Variants in DGKB observed in about 807,000 individuals in gnomAD.
DGKB encodes 90 kDa diacylglycerol kinase.
In DGKB, 67 loss-of-function variants were observed where a neutral mutation model predicts 114.3. The ratio of observed to expected loss-of-function variants is 0.59; its 90% CI spans 0.48 to 0.72. The LOEUF (loss-of-function observed/expected upper bound fraction) is 0.72. DGKB is among the 30% of genes least tolerant of loss of function. The probability of loss-of-function intolerance (pLI) is 0.00; values close to 1 mark genes in which losing one functional copy is unlikely to be tolerated. For synonymous variants in DGKB, 398 were observed against 323.1 expected (o/e 1.23, Z -2.49); for missense variants, 907 against 975.2 (o/e 0.93, Z 0.93).
chr7:14,926,163 CTG>C (rs1302464125), intron 1 of DGKB, among the ~76,000 whole-genome samples: 6 of 151,896 alleles, frequency 4.0e-5, no homozygotes. Context: ...TTTCTTTAAA[CTG>C]TTTCTGTGAT....
chr7:14,930,145 G>T (rs1562883669), intron 1 of DGKB, among the ~76,000 whole-genome samples: 1 of 152,072 alleles, frequency 6.6e-6, no homozygotes, highest in East Asian at 1.9e-4. Flanking sequence ...ATAATTTGAG[G>T]TCAGGTCATG....
chr7:14,666,264 A>C (rs780049029), intron 13 of DGKB, among the ~76,000 whole-genome samples: 4 of 151,998 alleles, frequency 2.6e-5, no homozygotes, highest in Admixed American at 6.6e-5. Flanking sequence ...TATATGATTA[A>C]TTTTTAAAAC....
At chr7:14,567,124 T>A (rs28681438) in intron 20 of DGKB, among the ~76,000 whole-genome samples, 1 of 110,832 alleles carries the variant, frequency 9.0e-6, no homozygotes, top group Admixed American at 1.5e-4. Flanking sequence ...ATTATATAAA[T>A]ATATAATTAT....
intron 13 of DGKB, among the ~76,000 whole-genome samples, chr7:14,647,276 T>C (rs1047867806): frequency 2.6e-5 from 4 of 151,856 alleles, no homozygotes; most frequent in African/African-American, 9.7e-5. Flanking sequence ...ATAGAAAATC[T>C]GAACAGACCA....
intron 10 of DGKB, among the ~76,000 whole-genome samples, chr7:14,684,764 T>C (rs1333666956): frequency 6.6e-6 from 1 of 152,142 alleles, no homozygotes; most frequent in African/African-American, 2.4e-5. Flanking sequence ...AGGTGTAAAA[T>C]TAGTTCGTAT....
chr7:14,455,757 A>C (rs1351755718), intron 21 of DGKB, among the ~76,000 whole-genome samples: 1 of 152,038 alleles, frequency 6.6e-6, no homozygotes, highest in Admixed American at 6.6e-5. Flanking sequence ...AATAGATATA[A>C]GAAAGTTTTT....
intron 14 of DGKB, 61 bp from the exon 15 acceptor site, chr7:14,621,555 A>G (rs1172576165): frequency 1.9e-6 from 2 of 1,053,228 alleles, no homozygotes; most frequent in African/African-American, 3.2e-5. Flanking sequence ...TAAAATGTTA[A>G]GTTGTTTTTA....
At chr7:14,876,487 C>G (rs755102760) in intron 1 of DGKB, among the ~76,000 whole-genome samples, 42 of 152,312 alleles carry the variant, frequency 2.8e-4, no homozygotes, top group Non-Finnish European at 1.6e-4. Context: ...CGGGCTAAGC[C>G]TCACTTTGGA....
At chr7:14,882,877 T>G (rs1265775938) in intron 1 of DGKB, among the ~76,000 whole-genome samples, 1 of 152,010 alleles carries the variant, frequency 6.6e-6, no homozygotes, top group African/African-American at 2.4e-5. Context: ...TTATCTCATC[T>G]GCTGATGGAC....
intron 20 of DGKB, among the ~76,000 whole-genome samples, chr7:14,557,136 C>A (rs1412449580): frequency 1.3e-5 from 2 of 152,148 alleles, no homozygotes; most frequent in Non-Finnish European, 2.9e-5. Context: ...CAGTAATCTG[C>A]ATTTTAACAA....
chr7:14,484,537 G>A (rs1239943770), intron 20 of DGKB, among the ~76,000 whole-genome samples: 1 of 152,180 alleles, frequency 6.6e-6, no homozygotes, highest in African/African-American at 2.4e-5. Flanking sequence ...TGCCATGTGA[G>A]GCACCTGTTG....
chr7:14,577,546 G>A (rs999817528), intron 19 of DGKB, among the ~76,000 whole-genome samples: 1 of 152,160 alleles, frequency 6.6e-6, no homozygotes, highest in African/African-American at 2.4e-5. Context: ...GAACCCGGGG[G>A]GCGGAGCCTG....
rs1485703190 is a variant in DGKB at position 14,178,579 on chromosome 7, A to T, written c.2123-428T>A. ...TATGCTGTCAAACATGATTTTGTTA[A>T]ATTACTTGAACAAGAGACCTTGGAG... On this transcript the variant is annotated intron_variant, in intron 23 of 25. Transcript: ENST00000402815. 4.6e-5 allele frequency among the ~76,000 whole-genome samples: 7 copies of T among 152,226 alleles called. No individual in the cohort carries two copies. The East Asian group carries it at 1.2e-3, about 25-fold the overall frequency.
rs887361606 is a variant in DGKB at position 14,722,360 on chromosome 7, G to C, written c.323-3675C>G. On this transcript the variant is annotated intron_variant, in intron 5 of 25. Coordinates refer to ENST00000402815, the MANE Select transcript of DGKB (RefSeq NM_001350709.2). ...TGAAATCATACAGACTGGCTATTTA[G>C]ACTGGCTTTTTTCTGTTATTAATAT... 2.0e-5 allele frequency among the ~76,000 whole-genome samples: 3 copies of C among 152,036 alleles called. No individual in the cohort carries two copies. In the South Asian group the frequency reaches 6.2e-4, roughly 32 times the overall value.
intron 20 of DGKB, among the ~76,000 whole-genome samples, chr7:14,541,309 T>C (rs1371756790): frequency 1.3e-5 from 2 of 152,150 alleles, no homozygotes; most frequent in Non-Finnish European, 2.9e-5. Flanking sequence ...ATCACTTCAT[T>C]TGTGAGCACA....
intron 23 of DGKB, among the ~76,000 whole-genome samples, chr7:14,257,277 C>A (rs905840563): frequency 6.6e-6 from 1 of 152,052 alleles, no homozygotes; most frequent in South Asian, 2.1e-4. Flanking sequence ...TACCTGAACA[C>A]GAAATGCATT....
At chr7:14,702,895 A>G (rs1825457295) in intron 6 of DGKB, among the ~76,000 whole-genome samples, 1 of 152,216 alleles carries the variant, frequency 6.6e-6, no homozygotes, top group African/African-American at 2.4e-5. Context: ...CCATGTCACT[A>G]TAATATTATA....
intron 1 of DGKB, among the ~76,000 whole-genome samples, chr7:14,862,660 C>T (rs1393336619): frequency 1.3e-5 from 2 of 152,006 alleles, no homozygotes; most frequent in Admixed American, 1.3e-4. Flanking sequence ...TACTCTGTTG[C>T]CTCCCTTATA....
intron 1 of DGKB, among the ~76,000 whole-genome samples, chr7:14,902,323 C>T (rs900228471): frequency 2.6e-5 from 4 of 152,182 alleles, no homozygotes; most frequent in Admixed American, 1.3e-4. Context: ...ATTTAGAAAA[C>T]ATTTATCAGT....
Sources: allele counts gnomAD v4.1 joint callset (sites outside exome capture counted in the v4.1 genomes callset), GRCh38; gene constraint gnomAD v4.1.1; transcripts MANE v1.5; gene names NCBI Gene and HGNC (gene_info 2026-07-23, HGNC 2026-07-21).